The following KCNIP4 variants were observed in gnomAD, a reference collection of about 807,000 sequenced individuals.
KCNIP4 encodes Kv channel-interacting protein 4.
A neutral mutation model predicts 34.0 loss-of-function variants in KCNIP4; 12 were observed. The ratio of observed to expected loss-of-function variants is 0.35; its 90% CI spans 0.23 to 0.57. The LOEUF (loss-of-function observed/expected upper bound fraction) is 0.57. Among genes scored for constraint, KCNIP4 ranks in the 20% least tolerant of loss-of-function variants. KCNIP4 has a pLI of 0.83. For synonymous variants in KCNIP4, 124 were observed against 102.2 expected, an observed-to-expected ratio of 1.21 and a Z score of -1.29; for missense variants, 238 against 311.7, an observed-to-expected ratio of 0.76 and a Z score of 1.78.
intron 1 of KCNIP4, among the ~76,000 whole-genome samples, chr4:21,282,958 T>C (rs1762874041): frequency 1.3e-5 from 2 of 152,170 alleles, no homozygotes; most frequent in South Asian, 4.1e-4. Flanking sequence ...TGCTGAATGG[T>C]TAAACACGTG....
At chr4:20,914,023 G>T (rs899197634) in intron 1 of KCNIP4, among the ~76,000 whole-genome samples, 16 of 152,086 alleles carry the variant, frequency 1.1e-4, no homozygotes, top group South Asian at 6.2e-4. Context: ...CAGGTGTGGT[G>T]GTGGGTGCCT....
intron 1 of KCNIP4, among the ~76,000 whole-genome samples, chr4:21,674,181 T>C (rs2109013354): frequency 6.6e-6 from 1 of 152,268 alleles, no homozygotes; most frequent in Non-Finnish European, 1.5e-5. Flanking sequence ...TTGTGTCTAG[T>C]CTAATTTTTT....
chr4:20,871,336 T>G (rs1161715005), intron 2 of KCNIP4, among the ~76,000 whole-genome samples: 1 of 152,004 alleles, frequency 6.6e-6, no homozygotes, highest in African/African-American at 2.4e-5. Flanking sequence ...GCTGAAGATG[T>G]GAATATCAGA....
intron 1 of KCNIP4, among the ~76,000 whole-genome samples, chr4:21,687,171 G>A (rs1181737754): frequency 8.9e-6 from 1 of 111,806 alleles, no homozygotes; most frequent in African/African-American, 3.5e-5. Flanking sequence ...GACTGTGGTG[G>A]GGTGGGGGGA....
intron 3 of KCNIP4, among the ~76,000 whole-genome samples, chr4:20,764,755 C>T (rs1453033421): frequency 6.6e-6 from 1 of 151,682 alleles, no homozygotes; most frequent in Non-Finnish European, 1.5e-5. Context: ...TGAATCCAAT[C>T]GTCATTCTGA....
At chr4:21,819,866 G>A (rs1176217838) in intron 1 of KCNIP4, among the ~76,000 whole-genome samples, 3 of 151,960 alleles carry the variant, frequency 2.0e-5, no homozygotes, top group Non-Finnish European at 2.9e-5. Flanking sequence ...TTTTTGGTGT[G>A]CAATATGAGA....
chr4:21,192,914 CTCT>C (rs1213712164), intron 1 of KCNIP4, among the ~76,000 whole-genome samples: 3 of 99,630 alleles, frequency 3.0e-5, no homozygotes, highest in Admixed American at 1.9e-4. Flanking sequence ...GCCGCCCCGT[CTCT>C]ACTACTACTA....
chr4:20,857,360 T>C (rs796236906), intron 2 of KCNIP4, among the ~76,000 whole-genome samples: 74 of 152,228 alleles, frequency 4.9e-4, no homozygotes, highest in African/African-American at 1.8e-3. Context: ...TTTTGGGTGG[T>C]TTTAACCCAG....
At chr4:21,830,427 C>T (rs1373270952) in intron 1 of KCNIP4, among the ~76,000 whole-genome samples, 1 of 152,064 alleles carries the variant, frequency 6.6e-6, no homozygotes, top group Non-Finnish European at 1.5e-5. Context: ...GCAATCCAAG[C>T]ACTTTGGGAG....
At chr4:21,795,130 A>G (rs942564548) in intron 1 of KCNIP4, among the ~76,000 whole-genome samples, 2 of 152,142 alleles carry the variant, frequency 1.3e-5, no homozygotes, top group Admixed American at 6.5e-5. Flanking sequence ...GGAGGTGATG[A>G]AGTTAAAATG....
chr4:21,530,722 ATTAAT>A lies in KCNIP4; in HGVS notation c.61+417844_61+417848del, dbSNP rs151017322. ...CCAAGTACCACAATAAAATAAGTAT[ATTAAT>A]TTATTTGTTTATTCATTCAGTAAAT... On this transcript the variant is annotated intron_variant, in intron 1 of 8. Transcript: ENST00000382152. Among the ~76,000 whole-genome samples the A allele has an allele frequency of 7.7e-3, 1,171 of 152,278 alleles. 11 individuals are homozygous for A. The highest frequency in any genetic ancestry group is 0.026 in the African/African-American group (1,085 of 41,556).
At chr4:21,521,093 A>G (rs1458407556) in intron 1 of KCNIP4, among the ~76,000 whole-genome samples, 1 of 152,096 alleles carries the variant, frequency 6.6e-6, no homozygotes, top group Admixed American at 6.6e-5. Context: ...ACCATCTACA[A>G]CTACACCCAG....
chr4:21,461,409 C>A (rs1288971317), intron 1 of KCNIP4, among the ~76,000 whole-genome samples: 1 of 147,694 alleles, frequency 6.8e-6, no homozygotes, highest in Non-Finnish European at 1.5e-5. Context: ...CAAATATGAA[C>A]AGTAGCTTGT....
At chr4:21,417,496 G>T (rs1046141441) in intron 1 of KCNIP4, among the ~76,000 whole-genome samples, 4 of 152,148 alleles carry the variant, frequency 2.6e-5, no homozygotes, top group Non-Finnish European at 5.9e-5. Context: ...CATTAAAAAT[G>T]AGTTAGTTAA....
chr4:21,887,666 T>C (rs75286671), intron 1 of KCNIP4, among the ~76,000 whole-genome samples: 3,889 of 152,262 alleles, frequency 0.026, 79 homozygotes, highest in Middle Eastern at 0.075. Flanking sequence ...CTTAAGGAAA[T>C]TATGCTGAAC....
At chr4:21,894,794 T>C (rs1727291026) in intron 1 of KCNIP4, among the ~76,000 whole-genome samples, 2 of 152,194 alleles carry the variant, frequency 1.3e-5, no homozygotes, top group African/African-American at 4.8e-5. Context: ...ACTTTAATCT[T>C]TTACACAAGG....
chr4:20,972,613 A>C (rs1205399580), intron 1 of KCNIP4, among the ~76,000 whole-genome samples: 1 of 152,162 alleles, frequency 6.6e-6, no homozygotes, highest in Non-Finnish European at 1.5e-5. Flanking sequence ...TTGTTGTTCC[A>C]CTTACAGAGC....
chr4:21,221,358 T>C (rs1757968780), intron 1 of KCNIP4, among the ~76,000 whole-genome samples: 1 of 152,058 alleles, frequency 6.6e-6, no homozygotes, highest in South Asian at 2.1e-4. Flanking sequence ...GATGGGGTAA[T>C]TTATAAAAGG....
intron 1 of KCNIP4, among the ~76,000 whole-genome samples, chr4:20,904,872 A>G (rs1727558455): frequency 6.6e-6 from 1 of 152,194 alleles, no homozygotes; most frequent in Non-Finnish European, 1.5e-5. Flanking sequence ...CAGTAAAGAA[A>G]CAGTAGTCAG....
Sources: allele counts gnomAD v4.1 joint callset (sites outside exome capture counted in the v4.1 genomes callset), GRCh38; gene constraint gnomAD v4.1.1; transcripts MANE v1.5; gene names NCBI Gene and HGNC (gene_info 2026-07-23, HGNC 2026-07-21).